MDM4: variants seen among roughly 807,000 people sequenced by gnomAD.
MDM4 encodes protein Mdm4.
Under a neutral mutation model 60.2 loss-of-function variants are expected in MDM4, and 2 were observed. The observed-to-expected ratio is 0.03, with a 90% CI of 0.01 to 0.10. MDM4 has a LOEUF of 0.10. Among genes scored for constraint, MDM4 ranks in the 10% least tolerant of loss-of-function variants. The probability of loss-of-function intolerance (pLI) is 1.00; values close to 1 mark genes in which losing one functional copy is unlikely to be tolerated. For synonymous variants in MDM4, 202 were observed against 198.1 expected, an observed-to-expected ratio of 1.02 and a Z score of -0.17; for missense variants, 447 against 577.5, an observed-to-expected ratio of 0.77 and a Z score of 2.32.
At chr1:204,534,874 C>T (rs766451497) in intron 5 of MDM4, among the ~76,000 whole-genome samples, 1 of 151,948 alleles carries the variant, frequency 6.6e-6, no homozygotes, top group Non-Finnish European at 1.5e-5. Flanking sequence ...TTTCTCTATA[C>T]CCTTTATCCA....
intron 1 of MDM4, among the ~76,000 whole-genome samples, chr1:204,518,190 C>T (rs1437595676): frequency 6.6e-6 from 1 of 152,150 alleles, no homozygotes. Context: ...TGTGCTCAGG[C>T]TGCAGTGCAG....
In MDM4 at chr1:204,526,426, G is replaced by C; in HGVS notation, c.145G>C (p.Val49Leu). 1 of 1,597,684 alleles carries C rather than the reference G, an allele frequency of 6.3e-7. No individual in the cohort carries two copies. The highest frequency in any genetic ancestry group is 8.6e-7 in the Non-Finnish European group (1 of 1,167,990). ...AGGTGCGCAAGGTGAAATGTTCACT[G>C]TTAAAGAGGTAAGCCATCAAATAAA... ...AAGAQGEMFT[V>L]KEVMHYLGQY... The change falls in exon 3 of 11, where the codon GTT becomes CTT. Residue 49 changes from valine (V) to leucine (L), a missense_variant. Around this residue, in one of 8 missense-constraint regions of MDM4, gnomAD observed 31 missense variants for 87.6 expected, o/e 0.35. Coordinates refer to ENST00000367182, the MANE Select transcript of MDM4 (RefSeq NM_002393.5).
chr1:204,544,698 A>G lies in MDM4; in HGVS notation c.822+14A>G, dbSNP rs769359352. 39 of 1,604,072 alleles carry G rather than the reference A, an allele frequency of 2.4e-5. No homozygotes were observed. The South Asian group carries it at 3.9e-4, about 16-fold the overall frequency. ...AGTGACAAAAAGGTATGTTGTGGAA[A>G]AATTCCATGTTGATTCTGTTTGTGT... On this transcript the variant is annotated intron_variant, in intron 9 of 10. Transcript: ENST00000367182.
intron 1 of MDM4, among the ~76,000 whole-genome samples, chr1:204,518,353 TTTAA>T (rs1477695372): frequency 6.6e-6 from 1 of 152,222 alleles, no homozygotes; most frequent in African/African-American, 2.4e-5. Flanking sequence ...ATCGTTAATC[TTTAA>T]TTAAAGATTT....
chr1:204,557,410 A>AT lies in MDM4; in HGVS notation c.*7738dup, dbSNP rs538921423. 0.019 allele frequency: 3,297 copies of AT among 173,962 alleles called. 104 individuals carry two copies. The highest frequency in any genetic ancestry group is 0.071 in the African/African-American group (2,948 of 41,650). 10.8% of individuals were successfully genotyped at this position (173,962 alleles called of 1,614,324 possible). ...CTGTGGTCTTGATGTACAAAAAAAA[A>AT]TTTTTTTTTTGAGACAGAGTCTTAC... On this transcript the variant is annotated 3_prime_UTR_variant, in exon 11 of 11. Coordinates refer to ENST00000367182, the MANE Select transcript of MDM4 (RefSeq NM_002393.5).
chr1:204,539,759 G>A (rs1031764151), intron 7 of MDM4, among the ~76,000 whole-genome samples: 4 of 151,282 alleles, frequency 2.6e-5, no homozygotes, highest in Admixed American at 2.6e-4. Flanking sequence ...ATGGGTTGAT[G>A]TCATGACCTC....
intron 3 of MDM4, chr1:204,528,830 C>T: frequency 1.3e-6 from 2 of 1,502,786 alleles, no homozygotes; most frequent in South Asian, 2.3e-5. Flanking sequence ...CTCCACTCTC[C>T]ACAGATGGGT....
chr1:204,549,138 A>G lies in MDM4; in HGVS notation c.929A>G (p.Lys310Arg), dbSNP rs1662960868. 1 of 1,611,442 alleles carries G rather than the reference A, an allele frequency of 6.2e-7. No individual in the cohort carries two copies. Among genetic ancestry groups the G allele is most frequent in the African/African-American group, 1.3e-5 (1 of 74,970 alleles). Residue 310 changes from lysine (K) to arginine (R), a missense_variant, in exon 11 of 11, where the codon AAG becomes AGG. Physicochemically the swap from Lys to Arg is conservative, Grantham distance 26 (BLOSUM62 2). Transcript: ENST00000367182. ...GATGAGTGGCAGTGTACTGAATGCAAGAAATTTAACTCTCCAAGCAAGAGG... is the reference window on the plus strand; with the variant it reads ...GATGAGTGGCAGTGTACTGAATGCAGGAAATTTAACTCTCCAAGCAAGAGG... ...SEDEWQCTEC[K>R]KFNSPSKRYC...
chr1:204,542,997 T>G, intron 8 of MDM4, 53 bp downstream of exon 8: 1 of 1,434,866 alleles, frequency 7.0e-7, no homozygotes, highest in Non-Finnish European at 9.7e-7. Flanking sequence ...AAGGGTAACA[T>G]TCTTGGTTAC....
intron 3 of MDM4, 137 bp from the exon 4 acceptor site, chr1:204,530,547 C>T (rs1445254256): frequency 9.3e-7 from 1 of 1,073,932 alleles, no homozygotes; most frequent in East Asian, 2.4e-5. Flanking sequence ...GTTGTAGGAC[C>T]CCTTACACAA....
chr1:204,520,010 G>A (rs1659400383), intron 1 of MDM4, among the ~76,000 whole-genome samples: 1 of 152,164 alleles, frequency 6.6e-6, no homozygotes, highest in Non-Finnish European at 1.5e-5. Flanking sequence ...GGGCGCGGTG[G>A]CTTATGCCTG....
chr1:204,526,274 G>T, intron 2 of MDM4, 86 bp from the exon 3 acceptor site: 2 of 1,148,190 alleles, frequency 1.7e-6, no homozygotes, highest in Non-Finnish European at 2.6e-6. Flanking sequence ...AAAGCGGGGG[G>T]AGCTGTTTAA....
At chr1:204,523,224 C>T (rs1028534319) in intron 1 of MDM4, among the ~76,000 whole-genome samples, 1 of 147,962 alleles carries the variant, frequency 6.8e-6, no homozygotes, top group Non-Finnish European at 1.5e-5. Context: ...AATCCCAGCA[C>T]TTTGGGAGGC....
At chr1:204,547,622 T>C (rs957634134) in intron 10 of MDM4, among the ~76,000 whole-genome samples, 5 of 152,248 alleles carry the variant, frequency 3.3e-5, no homozygotes, top group Admixed American at 6.5e-5. Flanking sequence ...TTGAGCATTA[T>C]GGTAGTTCAT....
intron 3 of MDM4, among the ~76,000 whole-genome samples, chr1:204,527,716 C>T (rs1008864759): frequency 1.3e-5 from 2 of 150,680 alleles, no homozygotes; most frequent in African/African-American, 4.9e-5. Flanking sequence ...ATTTAAATAA[C>T]TTATTTAGCT....
intron 1 of MDM4, among the ~76,000 whole-genome samples, chr1:204,519,417 G>T (rs1659326211): frequency 1.3e-5 from 2 of 152,162 alleles, no homozygotes; most frequent in South Asian, 4.1e-4. Context: ...TGAGGCAGGA[G>T]AATCGTTTGA....
intron 2 of MDM4, among the ~76,000 whole-genome samples, chr1:204,525,933 C>G (rs1280827724): frequency 1.3e-5 from 2 of 151,758 alleles, no homozygotes; most frequent in Non-Finnish European, 2.9e-5. Flanking sequence ...AGAGTGAGAC[C>G]TTGTCTCTTT....
chr1:204,535,318 TG>T (rs1300636104), intron 5 of MDM4, among the ~76,000 whole-genome samples: 6 of 150,752 alleles, frequency 4.0e-5, no homozygotes, highest in Non-Finnish European at 8.9e-5. Flanking sequence ...CCATCATGCC[TG>T]GCTAATTTTT....
chr1:204,544,113 A>G (rs1475602118), intron 8 of MDM4, among the ~76,000 whole-genome samples: 1 of 152,214 alleles, frequency 6.6e-6, no homozygotes, highest in Non-Finnish European at 1.5e-5. Flanking sequence ...AGTATTTCTC[A>G]TATTTCTTTA....
Sources: allele counts gnomAD v4.1 joint callset (sites outside exome capture counted in the v4.1 genomes callset), GRCh38; gene constraint gnomAD v4.1.1; regional missense constraint gnomAD v4.1.1; transcripts MANE v1.5; gene names NCBI Gene and HGNC (gene_info 2026-07-23, HGNC 2026-07-21).